GNA14: variants seen among roughly 807,000 people sequenced by gnomAD.
GNA14 encodes the protein G protein subunit alpha 14, also known as guanine nucleotide-binding protein subunit alpha-14.
GNA14 carries 50 observed loss-of-function variants against 42.0 expected under a neutral mutation model. The ratio of observed to expected loss-of-function variants is 1.19; its 90% confidence interval spans 0.95 to 1.51. GNA14 has a LOEUF of 1.51. Ranked by LOEUF, GNA14 falls within the 40% of genes most tolerant of loss-of-function variation. The probability of loss-of-function intolerance (pLI) is 0.00; values close to 1 mark genes in which losing one functional copy is unlikely to be tolerated. For missense variants in GNA14, 473 were observed against 446.2 expected (o/e 1.06, Z -0.54); for synonymous variants, 173 against 163.1 (o/e 1.06, Z -0.46).
intron 2 of GNA14, among the ~76,000 whole-genome samples, chr9:77,515,983 A>AC (rs1263318587): frequency 7.8e-4 from 114 of 145,422 alleles, no homozygotes; most frequent in East Asian, 4.0e-3. Context: ...AAAAAAAAAA[A>AC]CCCAGAGCAG....
intron 2 of GNA14, 42 bp from the exon 3 acceptor site, chr9:77,434,564 G>A: frequency 6.4e-7 from 1 of 1,566,488 alleles, no homozygotes; most frequent in Non-Finnish European, 8.7e-7. Context: ...CAAAGGAAAG[G>A]AAGCCAACCC....
intron 1 of GNA14, among the ~76,000 whole-genome samples, chr9:77,539,725 T>C (rs1009772877): frequency 2.0e-5 from 3 of 152,210 alleles, no homozygotes; most frequent in African/African-American, 7.2e-5. Context: ...TTCTTCCTGA[T>C]TCAAGCTTGG....
At chr9:77,627,614 A>C (rs904798990) in intron 1 of GNA14, among the ~76,000 whole-genome samples, 1 of 152,232 alleles carries the variant, frequency 6.6e-6, no homozygotes, top group Non-Finnish European at 1.5e-5. Context: ...AATGTAATCC[A>C]TCACGTAAAC....
intron 2 of GNA14, among the ~76,000 whole-genome samples, chr9:77,447,033 G>A (rs7869809): frequency 0.023 from 3,437 of 150,892 alleles, 106 homozygotes; most frequent in African/African-American, 0.065. Context: ...GCACAATCTC[G>A]GCTCACTGCA....
chr9:77,630,309 G>A (rs541981472), intron 1 of GNA14, among the ~76,000 whole-genome samples: 4 of 152,046 alleles, frequency 2.6e-5, no homozygotes, highest in South Asian at 2.1e-4. Context: ...GTAGAGATGC[G>A]GTTTCTCCAT....
At chr9:77,581,048 A>G (rs1159042743) in intron 1 of GNA14, among the ~76,000 whole-genome samples, 1 of 150,416 alleles carries the variant, frequency 6.6e-6, no homozygotes, top group Admixed American at 6.6e-5. Context: ...AATAGTACCC[A>G]CCTTTACTCA....
At chr9:77,571,466 G>C (rs1055175887) in intron 1 of GNA14, among the ~76,000 whole-genome samples, 1 of 152,140 alleles carries the variant, frequency 6.6e-6, no homozygotes, top group Non-Finnish European at 1.5e-5. Context: ...ACATGTGGCT[G>C]TTGAGCACTT....
At chr9:77,587,119 TA>T (rs34578177) in intron 1 of GNA14, among the ~76,000 whole-genome samples, 144,544 of 151,272 alleles carry the variant, frequency 0.96, 69,105 homozygotes, top group African/African-American at 0.99. Flanking sequence ...TAGCTATACT[TA>T]AAAAAAAAAG....
intron 2 of GNA14, among the ~76,000 whole-genome samples, chr9:77,524,858 G>A (rs1354687866): frequency 2.0e-5 from 3 of 152,106 alleles, no homozygotes; most frequent in African/African-American, 2.4e-5. Context: ...TGTGTTTCTC[G>A]AGGGTCATTT....
At chr9:77,510,851 G>A (rs1837154156) in intron 2 of GNA14, among the ~76,000 whole-genome samples, 2 of 152,234 alleles carry the variant, frequency 1.3e-5, no homozygotes, top group South Asian at 4.1e-4. Flanking sequence ...GGAAAAGAGG[G>A]AAGACGCTGG....
intron 2 of GNA14, among the ~76,000 whole-genome samples, chr9:77,474,727 C>T (rs1836389620): frequency 6.6e-6 from 1 of 152,028 alleles, no homozygotes; most frequent in Admixed American, 6.5e-5. Context: ...TCATAATAGC[C>T]AAAAAGTGGA....
chr9:77,483,457 C>T (rs952346300), intron 2 of GNA14, among the ~76,000 whole-genome samples: 4 of 152,114 alleles, frequency 2.6e-5, no homozygotes, highest in Non-Finnish European at 5.9e-5. Flanking sequence ...AGTACCCGGC[C>T]GTGTGAGGTG....
At chr9:77,644,069 T>C (rs372954431) in intron 1 of GNA14, among the ~76,000 whole-genome samples, 3 of 152,292 alleles carry the variant, frequency 2.0e-5, no homozygotes, top group African/African-American at 7.2e-5. Flanking sequence ...TCCCAACCAC[T>C]AGTACCTCAG....
At chr9:77,515,870 G>A (rs1054901106) in intron 2 of GNA14, among the ~76,000 whole-genome samples, 2 of 149,636 alleles carry the variant, frequency 1.3e-5, no homozygotes, top group Non-Finnish European at 3.0e-5. Context: ...TGAAGTGGGA[G>A]GATTGCTTAA....
intron 1 of GNA14, among the ~76,000 whole-genome samples, chr9:77,550,969 G>A (rs539026764): frequency 1.3e-5 from 2 of 152,208 alleles, no homozygotes; most frequent in South Asian, 2.1e-4. Flanking sequence ...ATTCAGTATG[G>A]AATTGAAAAT....
intron 2 of GNA14, among the ~76,000 whole-genome samples, chr9:77,498,057 C>G (rs1336879180): frequency 6.6e-6 from 1 of 152,150 alleles, no homozygotes; most frequent in Non-Finnish European, 1.5e-5. Context: ...TTCTTAGTTT[C>G]TCATCTGTAA....
intron 1 of GNA14, among the ~76,000 whole-genome samples, chr9:77,620,402 C>T (rs1823901052): frequency 6.6e-6 from 1 of 152,152 alleles, no homozygotes; most frequent in African/African-American, 2.4e-5. Context: ...AAGGGAAAAG[C>T]AATTCATCAA....
chr9:77,576,754 C>T (rs1349400494), intron 1 of GNA14, among the ~76,000 whole-genome samples: 2 of 151,210 alleles, frequency 1.3e-5, no homozygotes, highest in Non-Finnish European at 2.9e-5. Context: ...CATGATTCAT[C>T]CAGCAATGAC....
At chr9:77,447,678 G>A (rs1349117406) in intron 2 of GNA14, among the ~76,000 whole-genome samples, 1 of 152,134 alleles carries the variant, frequency 6.6e-6, no homozygotes, top group Non-Finnish European at 1.5e-5. Flanking sequence ...GCTCACTCCA[G>A]CAAGTGAGTA....
Sources: allele counts gnomAD v4.1 joint callset (sites outside exome capture counted in the v4.1 genomes callset), GRCh38; gene constraint gnomAD v4.1.1; transcripts MANE v1.5; gene names NCBI Gene and HGNC (gene_info 2026-07-23, HGNC 2026-07-21).